NCOA2: variants seen among roughly 807,000 people sequenced by gnomAD.
The protein encoded by NCOA2 is nuclear receptor coactivator 2.
NCOA2 carries 21 observed loss-of-function variants against 145.1 expected under a neutral mutation model. That is an observed-to-expected ratio of 0.14 (90% confidence interval 0.10 to 0.21). NCOA2 has a LOEUF of 0.21. Among genes scored for constraint, NCOA2 ranks in the 10% least tolerant of loss-of-function variants. The pLI is 1.00. For synonymous variants in NCOA2, 619 were observed against 637.5 expected (o/e 0.97, Z 0.44); for missense variants, 1,472 against 1,837.6 (o/e 0.80, Z 3.64).
At chr8:70,451,395 G>A in the NCOA2 span, among the ~76,000 whole-genome samples, 1 of 91,404 alleles carries the variant, frequency 1.1e-5, no homozygotes, top group South Asian at 4.9e-4. Flanking sequence ...ATGACAGAGT[G>A]AGACCAAAAA....
At chr8:70,390,610 A>G (rs888511872) in intron 1 of NCOA2, among the ~76,000 whole-genome samples, 2 of 151,934 alleles carry the variant, frequency 1.3e-5, no homozygotes, top group African/African-American at 4.8e-5. Flanking sequence ...AGAGAAAAAA[A>G]AAAAAAATTA....
At chr8:70,333,670 A>G (rs1807300277) in intron 1 of NCOA2, among the ~76,000 whole-genome samples, 1 of 152,172 alleles carries the variant, frequency 6.6e-6, no homozygotes, top group Admixed American at 6.5e-5. Context: ...CAAACCCAGT[A>G]CACGTTAATG....
chr8:70,421,966 G>A, the NCOA2 span, among the ~76,000 whole-genome samples: 1 of 151,702 alleles, frequency 6.6e-6, no homozygotes, highest in Non-Finnish European at 1.5e-5. Context: ...GTGGTGGAGT[G>A]TGCCTGTAAT....
At chr8:70,395,597 T>C (rs1813585850) in intron 1 of NCOA2, among the ~76,000 whole-genome samples, 1 of 152,254 alleles carries the variant, frequency 6.6e-6, no homozygotes, top group Non-Finnish European at 1.5e-5. Flanking sequence ...ATATTAACAG[T>C]ACAATTAGAA....
intron 4 of NCOA2, among the ~76,000 whole-genome samples, chr8:70,209,935 TC>T (rs1818840245): frequency 6.6e-6 from 1 of 152,334 alleles, no homozygotes; most frequent in South Asian, 2.1e-4. Context: ...AATATTAGCC[TC>T]CCAGTTAGGG....
intron 1 of NCOA2, among the ~76,000 whole-genome samples, chr8:70,312,530 A>G (rs2136027292): frequency 6.6e-6 from 1 of 152,350 alleles, no homozygotes; most frequent in Non-Finnish European, 1.5e-5. Flanking sequence ...TTTTTATAAA[A>G]TACCAACGGT....
intron 16 of NCOA2, 134 bp from the exon 17 acceptor site, chr8:70,129,114 G>A: frequency 2.3e-6 from 2 of 869,912 alleles, no homozygotes; most frequent in Non-Finnish European, 3.4e-6. Flanking sequence ...ACTACACAAA[G>A]GTACCTTTAG....
At chr8:70,440,352 C>T in the NCOA2 span, among the ~76,000 whole-genome samples, 2 of 152,186 alleles carry the variant, frequency 1.3e-5, no homozygotes, top group South Asian at 4.1e-4. Context: ...GGAATCCCAG[C>T]ACCTGAGGTC....
chr8:70,422,401 GT>G, the NCOA2 span, among the ~76,000 whole-genome samples: 2,825 of 144,706 alleles, frequency 0.02, 34 homozygotes, highest in African/African-American at 0.04. Context: ...AAAATGCTGT[GT>G]TTTTTTTTTT....
chr8:70,242,052 T>C (rs1822181307), intron 2 of NCOA2, among the ~76,000 whole-genome samples: 2 of 152,178 alleles, frequency 1.3e-5, no homozygotes, highest in Admixed American at 6.5e-5. Flanking sequence ...ACGGTTTCAA[T>C]ACTATGTTTA....
intron 4 of NCOA2, among the ~76,000 whole-genome samples, chr8:70,213,361 G>A (rs753431802): frequency 6.6e-6 from 1 of 152,180 alleles, no homozygotes; most frequent in Non-Finnish European, 1.5e-5. Context: ...ACCATAGGAA[G>A]AGAGCTGTCA....
At chr8:70,218,199 G>GTTTTTTTTTTTTTTTTTTTTTTT (rs34322124) in intron 2 of NCOA2, among the ~76,000 whole-genome samples, 1 of 133,880 alleles carries the variant, frequency 7.5e-6, no homozygotes, top group African/African-American at 2.9e-5. Context: ...AGTGGAGTTA[G>GTTTTTTTTTTTTTTTTTTTTTTT]TTTTTTTTTT....
At chr8:70,339,456 T>C (rs1339926253) in intron 1 of NCOA2, among the ~76,000 whole-genome samples, 1 of 152,010 alleles carries the variant, frequency 6.6e-6, no homozygotes, top group Non-Finnish European at 1.5e-5. Flanking sequence ...TGGAAAAACA[T>C]CCCATGCTCA....
chr8:70,240,521 T>A (rs535279742), intron 2 of NCOA2, among the ~76,000 whole-genome samples: 1 of 152,134 alleles, frequency 6.6e-6, no homozygotes, highest in Non-Finnish European at 1.5e-5. Context: ...TTTTTTGCAT[T>A]TTTGTTCTTC....
At position 70,249,431 on chromosome 8, in the gene NCOA2, A is replaced by AT. The variant is rs1201555817; in HGVS notation, c.-19-32668dup. 4.1e-4 allele frequency among the ~76,000 whole-genome samples: 62 copies of AT among 152,284 alleles called. 1 individual carries two copies. Among genetic ancestry groups the AT allele is most frequent in the African/African-American group, 1.4e-3 (60 of 41,550 alleles). On this transcript the variant is annotated intron_variant, in intron 2 of 22. Transcript: ENST00000452400. ...ACTTTTGCCCGAATACATATGCCAG[A>AT]TATGCAGTGCCTGAGCAAGTTACTT...
At chr8:70,179,700 A>C (rs956614315) in intron 4 of NCOA2, among the ~76,000 whole-genome samples, 1 of 152,102 alleles carries the variant, frequency 6.6e-6, no homozygotes, top group African/African-American at 2.4e-5. Flanking sequence ...CATTAACCAT[A>C]AAAATATATT....
At chr8:70,309,477 T>C (rs1828142142) in intron 1 of NCOA2, among the ~76,000 whole-genome samples, 1 of 151,798 alleles carries the variant, frequency 6.6e-6, no homozygotes, top group South Asian at 2.1e-4. Context: ...ATTAATTCAT[T>C]TACCCAACAA....
At chr8:70,359,193 C>T (rs999987415) in intron 1 of NCOA2, among the ~76,000 whole-genome samples, 7 of 152,140 alleles carry the variant, frequency 4.6e-5, no homozygotes, top group Non-Finnish European at 2.9e-5. Context: ...AAGTTAAACA[C>T]AGAATTACCA....
At chr8:70,170,128 C>G in intron 6 of NCOA2, 74 bp downstream of exon 6, 2 of 1,401,634 alleles carry the variant, frequency 1.4e-6, no homozygotes, top group Non-Finnish European at 2.0e-6. Context: ...CCACTTCAAC[C>G]AAGACACTGT....
Sources: allele counts gnomAD v4.1 joint callset (sites outside exome capture counted in the v4.1 genomes callset), GRCh38; gene constraint gnomAD v4.1.1; transcripts MANE v1.5; gene names NCBI Gene and HGNC (gene_info 2026-07-23, HGNC 2026-07-21).